Variants in SYT3 observed in about 807,000 individuals in gnomAD.
SYT3 encodes synaptotagmin 3.
SYT3 carries 25 observed loss-of-function variants against 50.6 expected under a neutral mutation model. That is an observed-to-expected ratio of 0.49 (90% CI 0.36 to 0.69). The LOEUF (loss-of-function observed/expected upper bound fraction) is 0.69. SYT3 is among the 30% of genes least tolerant of loss of function. The pLI is 0.00. For synonymous variants in SYT3, 323 were observed against 353.9 expected (o/e 0.91, Z 0.98); for missense variants, 589 against 793.6 (o/e 0.74, Z 3.10).
upstream of SYT3, among the ~76,000 whole-genome samples, chr19:50,640,483 G>A (rs1250498224): frequency 6.6e-6 from 1 of 152,218 alleles, no homozygotes; most frequent in Non-Finnish European, 1.5e-5. Context: ...AGCAGTTAAT[G>A]GCAATTGTCA....
intron 3 of SYT3, among the ~76,000 whole-genome samples, chr19:50,635,845 G>T (rs767617966): frequency 6.6e-6 from 1 of 152,216 alleles, no homozygotes; most frequent in Non-Finnish European, 1.5e-5. Context: ...ACTCCACTGG[G>T]AGAGGATGAC....
chr19:50,656,259 C>T, the SYT3 span: 20 of 1,536,004 alleles, frequency 1.3e-5, no homozygotes, highest in African/African-American at 6.8e-5. Context: ...TTGCAGAGTA[C>T]GAGGCACTGG....
rs1984350622 is a variant in SYT3, at chr19:50,632,531, A to T, written c.429T>A (p.Ala143=). Residue 143 remains alanine (A), a synonymous_variant, in exon 4 of 11, where the codon GCT becomes GCA. Transcript: ENST00000600079. This position sits in a 1 kb window ranked among gnomAD's most constrained non-coding sequence, Gnocchi z 4.7. ...CCAGGCTGCCTGGCTCCAGCAGCTC[A>T]GCAAAGGGTGGATGGTGGGCGGCAT... ...HAHAAHHPPF[A]ELLEPGSLGG... is the part of the protein sequence containing the mutation. 1 of 1,607,620 alleles carries T rather than the reference A, an allele frequency of 6.2e-7. No homozygotes were observed. The highest frequency in any genetic ancestry group is 8.5e-7 in the Non-Finnish European group (1 of 1,178,208).
chr19:50,627,711 AGAGAGACTCT>A (rs1984126154), intron 6 of SYT3, among the ~76,000 whole-genome samples: 1 of 137,872 alleles, frequency 7.3e-6, no homozygotes. Flanking sequence ...TGGGTGACAG[AGAGAGACTCT>A]GTCTCAAAAA....
At chr19:50,657,989 C>T in the SYT3 span, 2 of 1,526,674 alleles carry the variant, frequency 1.3e-6, no homozygotes, top group South Asian at 2.4e-5. Flanking sequence ...ACACCCGCAG[C>T]CCGAGGAGGA....
At chr19:50,658,037 C>T in the SYT3 span, 1 of 1,535,956 alleles carries the variant, frequency 6.5e-7, no homozygotes, top group South Asian at 1.2e-5. Context: ...CCTGGAGGCC[C>T]AGTTACCAGG....
chr19:50,645,816 G>A, the SYT3 span, among the ~76,000 whole-genome samples: 3 of 152,126 alleles, frequency 2.0e-5, no homozygotes, highest in African/African-American at 4.8e-5. Flanking sequence ...GAAGGTTGAC[G>A]CTGCAGTGAG....
chr19:50,643,798 A>G (rs919137063), upstream of SYT3, among the ~76,000 whole-genome samples: 1 of 152,150 alleles, frequency 6.6e-6, no homozygotes, highest in Non-Finnish European at 1.5e-5. Context: ...TGGAAGAGAC[A>G]GAAAATAATC....
At chr19:50,656,716 CTGAGGTGGG>C in the SYT3 span, among the ~76,000 whole-genome samples, 1 of 152,094 alleles carries the variant, frequency 6.6e-6, no homozygotes, top group African/African-American at 2.4e-5. Flanking sequence ...CTTTGGGAGG[CTGAGGTGGG>C]TGGATCACTA....
Position 50,625,134 on chromosome 19 carries a change from CA to C in SYT3, c.1707+27del, listed in dbSNP as rs1983996115. ...GGGCCGAGGGTGCACGGGTGCTTGT[CA>C]GGGGTCGGTGTGGGACCCCTACTCA... On this transcript the variant is annotated intron_variant, in intron 9 of 10. Coordinates refer to ENST00000600079, the MANE Select transcript of SYT3 (RefSeq NM_001160329.2). The surrounding 1 kb of genome is among the most constrained non-coding windows in gnomAD (Gnocchi z 7.5). 6.5e-7 allele frequency: 1 copy of C among 1,537,224 alleles called. No homozygotes were observed. The highest frequency in any genetic ancestry group is 8.7e-7 in the Non-Finnish European group (1 of 1,147,718).
chr19:50,643,408 C>T (rs1984710132), upstream of SYT3, among the ~76,000 whole-genome samples: 1 of 151,296 alleles, frequency 6.6e-6, no homozygotes, highest in Admixed American at 6.6e-5. Context: ...GTGCAGTGAG[C>T]CATGATCGTG....
the SYT3 span, among the ~76,000 whole-genome samples, chr19:50,654,613 CCCTTCCTTCCTT>C: frequency 1.3e-5 from 2 of 149,250 alleles, no homozygotes; most frequent in South Asian, 2.1e-4. Context: ...CTCCCTCCCT[CCCTTCCTTCCTT>C]CCTTCCTTCT....
At position 50,625,321 on chromosome 19, in the gene SYT3, T is replaced by C. The variant is rs1732940844; in HGVS notation, c.1575-27A>G. 3 of 1,533,300 alleles carry C rather than the reference T, an allele frequency of 2.0e-6. No individual in the cohort carries two copies. Among genetic ancestry groups the C allele is most frequent in the Middle Eastern group, 1.7e-4 (1 of 5,924 alleles). The allele number at this position is 1,533,300 out of a possible 1,614,324, so 95.0% of individuals were successfully genotyped here. On this transcript the variant is annotated intron_variant, in intron 8 of 10. Transcript: ENST00000600079. The surrounding 1 kb of genome is among the most constrained non-coding windows in gnomAD (Gnocchi z 7.5). ...TGGGGGTTGGGGTCAGTGAGGACCG[T>C]GGAGGGTGGTGGGAGGGCCTGTCCC...
rs1984050825 is a variant in SYT3, at chr19:50,626,121, G to A, written c.1282-104C>T. 5 of 1,469,690 alleles carry A rather than the reference G, an allele frequency of 3.4e-6. No homozygotes were observed. In the East Asian group the frequency reaches 1.1e-4, roughly 31 times the overall value. 91.0% of individuals were successfully genotyped at this position (1,469,690 alleles called of 1,614,324 possible). On this transcript the variant is annotated intron_variant, in intron 6 of 10. Transcript: ENST00000600079. ...CTCCTGCTTTACACCCTGACATCCA[G>A]GGCTCAGGCTTCCCATCCACTTAGC...
rs755000929 is a variant in SYT3, at chr19:50,625,575, C to T, written c.1403-11G>A. 3 of 1,566,958 alleles carry T rather than the reference C, an allele frequency of 1.9e-6. No homozygotes were observed. In the East Asian group the frequency reaches 6.7e-5, roughly 35 times the overall value. ...CCTTCACGTAGGGGTCTGGGAACAG[C>T]AATGAAGTAAGGAACAGAGACTCAC... On this transcript the variant is annotated splice_polypyrimidine_tract_variant and intron_variant, in intron 7 of 10. Transcript: ENST00000600079. This position sits in a 1 kb window ranked among gnomAD's most constrained non-coding sequence, Gnocchi z 7.5.
At chr19:50,655,404 A>C in the SYT3 span, among the ~76,000 whole-genome samples, 1 of 152,220 alleles carries the variant, frequency 6.6e-6, no homozygotes, top group Non-Finnish European at 1.5e-5. Flanking sequence ...TAATCCCAGC[A>C]TTTTGGGAGG....
chr19:50,657,739 T>G, the SYT3 span, among the ~76,000 whole-genome samples: 1 of 152,220 alleles, frequency 6.6e-6, no homozygotes, highest in African/African-American at 2.4e-5. Flanking sequence ...TTGGGGCAAA[T>G]TGGCTTGGTG....
Position 50,625,351 on chromosome 19 carries a change from C to G in SYT3, c.1574+42G>C. 9 of 1,539,794 alleles carry G rather than the reference C, an allele frequency of 5.8e-6. No homozygotes were observed. Among genetic ancestry groups the G allele is most frequent in the Non-Finnish European group, 7.0e-6 (8 of 1,144,402 alleles). ...GGTGGTGGGAGGGCCTGTCCCCACC[C>G]CAGCCCTCCTGCCTGACCCCCGCCC... On this transcript the variant is annotated intron_variant, in intron 8 of 10. Coordinates refer to ENST00000600079, the MANE Select transcript of SYT3 (RefSeq NM_001160329.2). The surrounding 1 kb of genome is among the most constrained non-coding windows in gnomAD (Gnocchi z 7.5).
chr19:50,643,028 G>A (rs937616378), upstream of SYT3, among the ~76,000 whole-genome samples: 16 of 152,052 alleles, frequency 1.1e-4, no homozygotes, highest in African/African-American at 3.4e-4. Context: ...CAAGGGAAGC[G>A]CTCTGCCCAA....
Sources: allele counts gnomAD v4.1 joint callset (sites outside exome capture counted in the v4.1 genomes callset), GRCh38; gene constraint gnomAD v4.1.1; non-coding constraint Gnocchi (gnomAD v3.1); transcripts MANE v1.5; gene names NCBI Gene and HGNC (gene_info 2026-07-23, HGNC 2026-07-21).